Variants in RAB38 observed in about 807,000 individuals in gnomAD.
RAB38 encodes RAB38, member RAS oncogene family.
RAB38 carries 15 observed loss-of-function variants against 18.4 expected under a neutral mutation model. That is an observed-to-expected ratio of 0.82 (90% CI 0.55 to 1.26). RAB38 has a LOEUF of 1.26. Among genes scored for constraint, RAB38 ranks in the 50% most tolerant of loss-of-function variants. RAB38 has a pLI of 0.00. For synonymous variants in RAB38, 101 were observed against 104.4 expected (o/e 0.97, Z 0.20); for missense variants, 294 against 267.4 (o/e 1.10, Z -0.69).
chr11:88,171,870 T>G (rs35998145), intron 1 of RAB38, among the ~76,000 whole-genome samples: 36,814 of 152,144 alleles, frequency 0.24, 4,537 homozygotes, highest in Admixed American at 0.27. Flanking sequence ...AATGACCTAT[T>G]TTTTTAAAAA....
chr11:88,149,002 G>A (rs1943028089), intron 2 of RAB38, among the ~76,000 whole-genome samples: 1 of 151,936 alleles, frequency 6.6e-6, no homozygotes, highest in South Asian at 2.1e-4. Flanking sequence ...CCAGGAACCT[G>A]ACATATCAGA....
At chr11:87,957,293 T>C in the RAB38 span, among the ~76,000 whole-genome samples, 1 of 152,114 alleles carries the variant, frequency 6.6e-6, no homozygotes, top group Non-Finnish European at 1.5e-5. Flanking sequence ...CTCTACTTCC[T>C]GCTTCTCTCC....
At chr11:88,078,708 C>T in the RAB38 span, among the ~76,000 whole-genome samples, 1 of 151,706 alleles carries the variant, frequency 6.6e-6, no homozygotes, top group East Asian at 1.9e-4. Context: ...GACTGGTGAT[C>T]ATCAGAGGTG....
the RAB38 span, among the ~76,000 whole-genome samples, chr11:87,971,656 G>A: frequency 6.6e-6 from 1 of 152,116 alleles, no homozygotes; most frequent in African/African-American, 2.4e-5. Flanking sequence ...AGAGTGAAAG[G>A]CAAGAGATGC....
chr11:88,090,062 C>A, the RAB38 span, among the ~76,000 whole-genome samples: 1 of 151,828 alleles, frequency 6.6e-6, no homozygotes, highest in Non-Finnish European at 1.5e-5. Context: ...GGAGAAGATT[C>A]CTTAGGAATG....
the RAB38 span, among the ~76,000 whole-genome samples, chr11:87,884,601 T>G: frequency 0.05 from 7,624 of 151,902 alleles, 641 homozygotes; most frequent in African/African-American, 0.17. Context: ...AACAGAGAGA[T>G]AATTTGGGAG....
At chr11:87,858,304 C>G in the RAB38 span, among the ~76,000 whole-genome samples, 2 of 152,044 alleles carry the variant, frequency 1.3e-5, no homozygotes, top group East Asian at 1.9e-4. Context: ...AGACCAGAAC[C>G]TTTGGACTCA....
At chr11:87,877,703 C>T in the RAB38 span, among the ~76,000 whole-genome samples, 1 of 151,542 alleles carries the variant, frequency 6.6e-6, no homozygotes, top group African/African-American at 2.4e-5. Flanking sequence ...ACTAGCCCTC[C>T]TAGCTATTGT....
chr11:88,157,118 C>G (rs1463359878), intron 1 of RAB38, among the ~76,000 whole-genome samples: 1 of 152,120 alleles, frequency 6.6e-6, no homozygotes, highest in Non-Finnish European at 1.5e-5. Flanking sequence ...TGTAATGACA[C>G]CCATAGGCTC....
In RAB38 at chr11:88,113,251, T is replaced by C. The variant is rs1025133627; in HGVS notation, c.*737A>G. On this transcript the variant is annotated 3_prime_UTR_variant, in exon 3 of 3. Coordinates refer to ENST00000243662, the MANE Select transcript of RAB38 (RefSeq NM_022337.3). ...AAGAAACTTAAAGCACTTTCATAAATAGGGAAACAGCATCTTTTAATGTTT... is the reference window on the plus strand; with the variant it reads ...AAGAAACTTAAAGCACTTTCATAAACAGGGAAACAGCATCTTTTAATGTTT... 2.6e-5 allele frequency: 4 copies of C among 151,612 alleles called. No homozygotes were observed. Among genetic ancestry groups the C allele is most frequent in the Admixed American group, 6.6e-5 (1 of 15,184 alleles). 9.4% of individuals were successfully genotyped at this position (151,612 alleles called of 1,614,324 possible).
the RAB38 span, among the ~76,000 whole-genome samples, chr11:87,843,020 T>C: frequency 4.6e-5 from 7 of 152,300 alleles, no homozygotes; most frequent in South Asian, 1.5e-3. Flanking sequence ...AGTGAGGGGC[T>C]ATATTAATTC....
At chr11:87,898,960 C>A in the RAB38 span, among the ~76,000 whole-genome samples, 1 of 151,636 alleles carries the variant, frequency 6.6e-6, no homozygotes, top group Non-Finnish European at 1.5e-5. Context: ...TTCTGACAGC[C>A]TGTTTCTTAA....
the RAB38 span, among the ~76,000 whole-genome samples, chr11:87,808,869 G>T: frequency 6.6e-6 from 1 of 151,890 alleles, no homozygotes; most frequent in African/African-American, 2.4e-5. Flanking sequence ...TAATTCCTTT[G>T]CATTTTCATG....
the RAB38 span, among the ~76,000 whole-genome samples, chr11:88,074,179 C>T: frequency 0.033 from 5,067 of 151,950 alleles, 223 homozygotes; most frequent in South Asian, 0.074. Flanking sequence ...AAAGGAAGTG[C>T]TAAAAGGAGA....
the RAB38 span, among the ~76,000 whole-genome samples, chr11:87,850,709 C>T: frequency 8.3e-6 from 1 of 120,710 alleles, no homozygotes; most frequent in Non-Finnish European, 1.7e-5. Context: ...AATCCCACAA[C>T]ACTGCCACAC....
chr11:87,903,742 A>G, the RAB38 span, among the ~76,000 whole-genome samples: 2 of 151,504 alleles, frequency 1.3e-5, no homozygotes, highest in African/African-American at 4.8e-5. Context: ...TCTTTAGTAG[A>G]TAAAAGCTCT....
At chr11:87,847,900 T>A in the RAB38 span, among the ~76,000 whole-genome samples, 984 of 152,128 alleles carry the variant, frequency 6.5e-3, 8 homozygotes, top group African/African-American at 0.021. Flanking sequence ...TGGGGCAGAA[T>A]AAAAGAGCTA....
the RAB38 span, among the ~76,000 whole-genome samples, chr11:87,930,713 T>A: frequency 6.6e-5 from 10 of 152,338 alleles, no homozygotes; most frequent in East Asian, 3.9e-4. Flanking sequence ...AATGTTTAAG[T>A]CTTTAATCCA....
chr11:87,962,503 G>A, the RAB38 span, among the ~76,000 whole-genome samples: 1 of 145,666 alleles, frequency 6.9e-6, no homozygotes, highest in East Asian at 1.9e-4. Context: ...GGCGGGGGCA[G>A]GGGGCAGGGG....
Sources: gnomAD v4.1 joint callset for allele counts (sites outside exome capture counted in the v4.1 genomes callset) on GRCh38, gnomAD v4.1.1 for gene constraint, MANE v1.5 for transcripts, NCBI Gene and HGNC (gene_info 2026-07-23, HGNC 2026-07-21) for gene names.